Variants in ZMAT4 observed in about 807,000 individuals in gnomAD.
ZMAT4 encodes the protein zinc finger matrin-type 4.
In ZMAT4, 17 loss-of-function variants were observed where a neutral mutation model predicts 28.7. That is an observed-to-expected ratio of 0.59 (90% confidence interval 0.41 to 0.89). ZMAT4 has a LOEUF of 0.89. Ranked by LOEUF, ZMAT4 falls within the 40% of genes least tolerant of loss-of-function variation. The pLI is 0.00. For missense variants in ZMAT4, 240 were observed against 283.8 expected, an observed-to-expected ratio of 0.85 and a Z score of 1.11; for synonymous variants, 117 against 109.2, an observed-to-expected ratio of 1.07 and a Z score of -0.44.
chr8:40,730,948 GCTACTCATCTCCCAGCCACAGC>G (rs1811510154), intron 3 of ZMAT4, among the ~76,000 whole-genome samples: 1 of 152,172 alleles, frequency 6.6e-6, no homozygotes. Context: ...CACAGTAGCA[GCTACTCATCTCCCAGCCACAGC>G]CCCATAGCAG....
intron 1 of ZMAT4, among the ~76,000 whole-genome samples, chr8:40,847,802 T>C (rs1586161824): frequency 1.3e-5 from 2 of 152,166 alleles, no homozygotes; most frequent in African/African-American, 4.8e-5. Flanking sequence ...GCAGCTGAAG[T>C]CCGTCCACCA....
chr8:40,715,799 C>A (rs1810826420), intron 3 of ZMAT4, among the ~76,000 whole-genome samples: 1 of 152,202 alleles, frequency 6.6e-6, no homozygotes, highest in Non-Finnish European at 1.5e-5. Flanking sequence ...TAATCTGGGT[C>A]CCTTCGTTCA....
At chr8:40,626,810 G>C (rs944390042) in intron 5 of ZMAT4, among the ~76,000 whole-genome samples, 5 of 152,170 alleles carry the variant, frequency 3.3e-5, no homozygotes, top group Admixed American at 2.0e-4. Flanking sequence ...GAGCTGGGGA[G>C]GGGGGCTGGA....
intron 6 of ZMAT4, among the ~76,000 whole-genome samples, chr8:40,546,965 A>G (rs1016620472): frequency 2.0e-5 from 3 of 152,200 alleles, no homozygotes; most frequent in African/African-American, 7.2e-5. Context: ...ACTCACGCAC[A>G]CACACACAGC....
At chr8:40,721,328 A>G (rs1811083968) in intron 3 of ZMAT4, among the ~76,000 whole-genome samples, 1 of 124,426 alleles carries the variant, frequency 8.0e-6, no homozygotes, top group Admixed American at 8.9e-5. Flanking sequence ...TTATGGCTGC[A>G]TAGTATTCCA....
chr8:40,629,442 C>G (rs1298324020), intron 5 of ZMAT4, among the ~76,000 whole-genome samples: 2 of 151,222 alleles, frequency 1.3e-5, no homozygotes, highest in Admixed American at 6.6e-5. Context: ...TTTTAGGGTA[C>G]ATGTGCACAA....
At chr8:40,765,769 C>A (rs1282492423) in intron 3 of ZMAT4, among the ~76,000 whole-genome samples, 1 of 152,160 alleles carries the variant, frequency 6.6e-6, no homozygotes, top group Admixed American at 6.6e-5. Flanking sequence ...GTGCAGTCAT[C>A]TCTGTTTTTT....
chr8:40,589,731 C>CCTTTTTTCATTCTTTCTTTCTTT (rs1554523987), intron 5 of ZMAT4, among the ~76,000 whole-genome samples: 2 of 139,274 alleles, frequency 1.4e-5, no homozygotes, highest in Non-Finnish European at 3.1e-5. Context: ...TTCTTCCTTT[C>CCTTTTTTCATTCTTTCTTTCTTT]CTTTCTTTCT....
rs543174074 is a variant in ZMAT4 at position 40,711,490 on chromosome 8, A to G, written c.193-14089T>C. The stretch of plus-strand genomic sequence containing the variant: ...CAAATCCAATCAAGTCTCTGAAACC[A>G]TCTGCCAATTTTCAGAGGACGGAAA... On this transcript the variant is annotated intron_variant, in intron 3 of 6. Transcript: ENST00000297737. Among the ~76,000 whole-genome samples the G allele has an allele frequency of 9.2e-4, 140 of 152,312 alleles. 1 individual carries two copies. Among genetic ancestry groups the G allele is most frequent in the African/African-American group, 3.2e-3 (135 of 41,572 alleles).
At chr8:40,574,096 A>G (rs947840198) in intron 6 of ZMAT4, among the ~76,000 whole-genome samples, 23 of 152,170 alleles carry the variant, frequency 1.5e-4, no homozygotes, top group African/African-American at 5.5e-4. Context: ...ATTTTCAACT[A>G]TGGTAGAGTT....
intron 2 of ZMAT4, among the ~76,000 whole-genome samples, chr8:40,801,910 A>T (rs1267349912): frequency 6.6e-6 from 1 of 152,198 alleles, no homozygotes; most frequent in Non-Finnish European, 1.5e-5. Context: ...AGTATGCTAG[A>T]CTGGTTCAAC....
intron 2 of ZMAT4, 31 bp from the exon 3 acceptor site, chr8:40,767,761 A>G: frequency 6.3e-7 from 1 of 1,581,880 alleles, no homozygotes; most frequent in Non-Finnish European, 8.6e-7. Context: ...CAGATACTGT[A>G]AAAGATAAGC....
chr8:40,854,294 C>G (rs1472586140), intron 1 of ZMAT4, among the ~76,000 whole-genome samples: 3 of 152,112 alleles, frequency 2.0e-5, no homozygotes, highest in African/African-American at 7.2e-5. Context: ...TGAGATACTC[C>G]AAAATGAAAA....
chr8:40,642,169 C>G (rs1807061331), intron 5 of ZMAT4, among the ~76,000 whole-genome samples: 1 of 152,072 alleles, frequency 6.6e-6, no homozygotes, highest in South Asian at 2.1e-4. Context: ...TACCTGCATA[C>G]TTATTGTACG....
intron 2 of ZMAT4, among the ~76,000 whole-genome samples, chr8:40,791,314 T>G (rs543556365): frequency 6.6e-6 from 1 of 152,194 alleles, no homozygotes; most frequent in African/African-American, 2.4e-5. Context: ...AGAGGTAACA[T>G]GGAAGCGCTC....
intron 1 of ZMAT4, among the ~76,000 whole-genome samples, chr8:40,850,738 A>G (rs902449727): frequency 2.0e-5 from 3 of 152,186 alleles, no homozygotes; most frequent in African/African-American, 7.2e-5. Flanking sequence ...CCCCAGAGAC[A>G]TTACGTAAAC....
intron 5 of ZMAT4, among the ~76,000 whole-genome samples, chr8:40,616,785 T>C (rs1386645034): frequency 2.6e-5 from 4 of 151,124 alleles, no homozygotes; most frequent in Non-Finnish European, 5.9e-5. Context: ...TACCTAATGC[T>C]AAATGACGAG....
intron 2 of ZMAT4, among the ~76,000 whole-genome samples, chr8:40,791,863 G>T (rs985445775): frequency 4.6e-5 from 7 of 152,136 alleles, no homozygotes; most frequent in Non-Finnish European, 2.9e-5. Flanking sequence ...CCACTGGCTT[G>T]TCAATAAATT....
At chr8:40,745,195 A>G (rs747324594) in intron 3 of ZMAT4, among the ~76,000 whole-genome samples, 30 of 152,184 alleles carry the variant, frequency 2.0e-4, no homozygotes, top group Non-Finnish European at 3.2e-4. Context: ...GGTGAAGGGA[A>G]GAAGGGAAGA....
Sources: gnomAD v4.1 joint callset for allele counts (sites outside exome capture counted in the v4.1 genomes callset) on GRCh38, gnomAD v4.1.1 for gene constraint, MANE v1.5 for transcripts, NCBI Gene and HGNC (gene_info 2026-07-23, HGNC 2026-07-21) for gene names.